The following MYL5 variants were observed in gnomAD, a reference collection of about 807,000 sequenced individuals.
The protein encoded by MYL5 is myosin light chain 5, also known as myosin regulatory light chain 5.
In MYL5, 28 loss-of-function variants were observed where a neutral mutation model predicts 20.8. The observed-to-expected ratio is 1.35, with a 90% CI of 1.00 to 1.84. The LOEUF is 1.84. MYL5 is among the 40% of genes most tolerant of loss of function. MYL5 has a pLI of 0.00. For missense variants in MYL5, 274 were observed against 227.3 expected (o/e 1.21, Z -1.32); for synonymous variants, 118 against 87.4 (o/e 1.35, Z -1.95).
intron 4 of MYL5, 102 bp from the exon 7 acceptor site, chr4:680,407 C>G: frequency 8.3e-7 from 1 of 1,201,854 alleles, no homozygotes; most frequent in Non-Finnish European, 1.2e-6. Flanking sequence ...GGCTTGGAGT[C>G]TCCCCCTGCT....
upstream of MYL5, chr4:676,910 G>T (rs941295798): frequency 3.0e-6 from 3 of 985,246 alleles, no homozygotes; most frequent in African/African-American, 5.2e-5. Flanking sequence ...GAGGCCGCTG[G>T]ACCTGGGGAT....
At chr4:681,038 G>A in intron 5 of MYL5, 54 bp from the exon 8 acceptor site, 4 of 1,556,910 alleles carry the variant, frequency 2.6e-6, no homozygotes, top group Non-Finnish European at 3.5e-6. Flanking sequence ...GCCCCACCGA[G>A]AAGGCTCCTG....
At position 681,884 on chromosome 4, in the gene MYL5, C is replaced by T. The variant is rs551285938; in HGVS notation, c.421-9C>T. On this transcript the variant is annotated splice_polypyrimidine_tract_variant and intron_variant, in intron 6 of 6. Transcript: ENST00000400159. ...AGCCCGCAAGGAGCCCTTTCGCCCC[C>T]GCCCGCAGGTGGACCAGATGTTCCA... The T allele has an allele frequency of 1.1e-5, 15 of 1,313,908 alleles. No individual in the cohort carries two copies. The South Asian group carries it at 2.6e-4, about 23-fold the overall frequency. 81.4% of individuals were successfully genotyped at this position (1,313,908 alleles called of 1,614,324 possible).
chr4:678,107 G>C (rs74282734), intron 1 of MYL5, 78 bp downstream of exon 3: 1 of 1,417,450 alleles, frequency 7.1e-7, no homozygotes, highest in African/African-American at 2.3e-5. Flanking sequence ...GCGCACAGAC[G>C]AGCGTGGGCG....
At chr4:678,765 G>T in exon 2 of MYL5, 1 of 1,609,872 alleles carries the variant, frequency 6.2e-7, no homozygotes, top group South Asian at 1.1e-5. Flanking sequence ...AGTTCAAGGA[G>T]GTGAGACTTT....
chr4:680,508 G>C lies in MYL5; in HGVS notation c.293-1G>C. On this transcript the variant is annotated splice_acceptor_variant, in intron 4 of 6. Transcript: ENST00000400159. LOFTEE classifies it high-confidence loss of function. ...CTGGGCTGAAGGTGCCTTTGTGGCA[G>C]GTACCGACGCCGAGGAGACCATTCT... 1 of 1,613,474 alleles carries C rather than the reference G, an allele frequency of 6.2e-7. No homozygotes were observed. Among genetic ancestry groups the C allele is most frequent in the Non-Finnish European group, 8.5e-7 (1 of 1,179,902 alleles).
intron 5 of MYL5, 21 bp downstream of exon 7, chr4:680,608 G>C: frequency 1.2e-6 from 2 of 1,610,028 alleles, no homozygotes; most frequent in Non-Finnish European, 1.7e-6. Context: ...GGGCGGCCAG[G>C]GCGGCCCGGC....
intron 2 of MYL5, 38 bp from the exon 5 acceptor site, chr4:678,920 C>CGGGT (rs1237326905): frequency 1.1e-5 from 17 of 1,611,624 alleles, no homozygotes; most frequent in Non-Finnish European, 1.4e-5. Flanking sequence ...AGAGCCCAGC[C>CGGGT]GGGTTGGCAG....
intron 1 of MYL5, 110 bp from the exon 4 acceptor site, chr4:678,548 G>C (rs28648652): frequency 0.025 from 36,194 of 1,476,176 alleles, 1,900 homozygotes; most frequent in East Asian, 0.23. Context: ...CCTCCAGCCC[G>C]AAGGGCTGAG....
chr4:678,922 GGTTGGC>G, intron 2 of MYL5, 30 bp from the exon 5 acceptor site: 1 of 1,611,932 alleles, frequency 6.2e-7, no homozygotes, highest in Non-Finnish European at 8.5e-7. Context: ...AGCCCAGCCG[GGTTGGC>G]AGCACAGCAG....
chr4:676,184 G>C (rs528817505), upstream of MYL5: 2 of 152,256 alleles, frequency 1.3e-5, no homozygotes, highest in Non-Finnish European at 1.5e-5. Context: ...GCAAGCCCCC[G>C]CTTCCGCCAG....
At chr4:681,124 A>G in exon 6 of MYL5, 2 of 1,607,432 alleles carry the variant, frequency 1.2e-6, no homozygotes, top group South Asian at 1.1e-5. Context: ...CAGGCTGACA[A>G]GATGACGGCG....
At chr4:674,786 AG>A (rs2109307369), upstream of MYL5, 1 of 158,880 alleles carries the variant, frequency 6.3e-6, no homozygotes, top group African/African-American at 2.4e-5. Context: ...AGCCGAGTGC[AG>A]GTGGCTCCCC....
rs779139872 is a variant in MYL5, at chr4:678,729, C to T, written c.75C>T (p.Ser25=). 1.2e-5 allele frequency: 20 copies of T among 1,611,888 alleles called. 1 individual carries two copies. The South Asian group carries it at 2.1e-4, about 17-fold the overall frequency. ...AGAGAGCCTCATCCAATGTCTTCTC[C>T]AACTTTGAGCAGACTCAGATCCAGG... The change falls in exon 2 of 7, where the codon TCC becomes TCT. Residue 25 remains serine, a synonymous_variant. Coordinates refer to ENST00000400159, the Ensembl canonical transcript of MYL5.
At chr4:678,151 G>A (rs1392471398) in intron 1 of MYL5, 122 bp downstream of exon 3, 18 of 1,547,728 alleles carry the variant, frequency 1.2e-5, no homozygotes, top group Middle Eastern at 2.1e-4. Context: ...AGGTGTGGGC[G>A]TGTGCTCTGC....
upstream of MYL5, chr4:677,005 G>A (rs1560151538): frequency 1.1e-6 from 1 of 870,702 alleles, no homozygotes; most frequent in Non-Finnish European, 1.4e-6. Context: ...ACATGCAAGT[G>A]GCACCTGTCT....
At chr4:674,925 G>C (rs1028898651), upstream of MYL5, 1 of 152,748 alleles carries the variant, frequency 6.5e-6, no homozygotes, top group African/African-American at 2.4e-5. Context: ...AGCACGGGGC[G>C]CCCTTCATCC....
chr4:674,589 A>G (rs940399414), upstream of MYL5: 39 of 389,158 alleles, frequency 1.0e-4, no homozygotes, highest in Non-Finnish European at 1.6e-4. Context: ...GCTGCTGCCG[A>G]GGCCCCGCCG....
At chr4:677,234 C>G (rs1738934025), upstream of MYL5, among the ~76,000 whole-genome samples, 1 of 152,198 alleles carries the variant, frequency 6.6e-6, no homozygotes, top group Non-Finnish European at 1.5e-5. Context: ...CCTGCAGACC[C>G]TCCTCCCACC....
Sources: gnomAD v4.1 joint callset for allele counts (sites outside exome capture counted in the v4.1 genomes callset) on GRCh38, gnomAD v4.1.1 for gene constraint, MANE v1.5 for transcripts, NCBI Gene and HGNC (gene_info 2026-07-23, HGNC 2026-07-21) for gene names.